Variants in HUNK observed in about 807,000 individuals in gnomAD.
HUNK encodes the protein hormonally up-regulated neu tumor-associated kinase.
Under a neutral mutation model 61.0 loss-of-function variants are expected in HUNK, and 21 were observed. The observed-to-expected ratio is 0.34, with a 90% CI of 0.24 to 0.50. The LOEUF is 0.50. Ranked by LOEUF, HUNK falls within the 20% of genes least tolerant of loss-of-function variation. The pLI is 0.98. For missense variants in HUNK, 772 were observed against 945.7 expected (o/e 0.82, Z 2.41); for synonymous variants, 371 against 386.1 (o/e 0.96, Z 0.46).
chr21:31,878,582 A>C (rs1001791264), intron 1 of HUNK, among the ~76,000 whole-genome samples: 2 of 152,164 alleles, frequency 1.3e-5, no homozygotes, highest in African/African-American at 4.8e-5. Flanking sequence ...TAAAAACACA[A>C]AAATTAGCTG....
rs374612937 is a variant in HUNK at position 31,998,726 on chromosome 21, G to C, written c.1687G>C (p.Glu563Gln). ...PLMLDMVRSF[E>Q]SVDRDDHVEV... is the part of the protein sequence containing the mutation. ...GATGCTGGACATGGTGCGCTCCTTCGAGTCTGTGGATCGCGACGACCACGT... is the reference window on the plus strand; with the variant it reads ...GATGCTGGACATGGTGCGCTCCTTCCAGTCTGTGGATCGCGACGACCACGT... Residue 563 changes from glutamate (E) to glutamine (Q), a missense_variant, in exon 11 of 11, where the codon GAG (glutamate) becomes CAG (glutamine). Glu to Gln is a conservative substitution (Grantham distance 29). Transcript: ENST00000270112. The C allele has an allele frequency of 2.5e-6, 4 of 1,614,094 alleles. No individual in the cohort carries two copies.
chr21:31,993,287 A>T (rs2053183401), intron 9 of HUNK, among the ~76,000 whole-genome samples: 1 of 152,184 alleles, frequency 6.6e-6, no homozygotes, highest in Non-Finnish European at 1.5e-5. Flanking sequence ...GGTCCGCAGA[A>T]GTTTTGCATC....
chr21:31,919,429 A>C (rs1367105020), intron 1 of HUNK, among the ~76,000 whole-genome samples: 1 of 152,154 alleles, frequency 6.6e-6, no homozygotes, highest in African/African-American at 2.4e-5. Flanking sequence ...TGCCTAAAGA[A>C]AAGCCTAGCA....
At chr21:31,993,753 G>T (rs896110208) in intron 9 of HUNK, among the ~76,000 whole-genome samples, 1 of 152,164 alleles carries the variant, frequency 6.6e-6, no homozygotes, top group Non-Finnish European at 1.5e-5. Flanking sequence ...GAGGAAAGCC[G>T]TGGAAAATAG....
intron 8 of HUNK, among the ~76,000 whole-genome samples, 192 bp from the exon 9 acceptor site, chr21:31,989,937 T>C (rs1235597704): frequency 1.3e-5 from 2 of 152,128 alleles, no homozygotes; most frequent in East Asian, 3.9e-4. Context: ...AAAGTTTACC[T>C]AGAAAATCTA....
chr21:31,978,627 A>G (rs2053068618), intron 7 of HUNK, among the ~76,000 whole-genome samples: 1 of 152,156 alleles, frequency 6.6e-6, no homozygotes, highest in African/African-American at 2.4e-5. Flanking sequence ...AATGTCCTCT[A>G]GGTTCATCCA....
chr21:31,890,310 C>A (rs1392879941), intron 1 of HUNK, among the ~76,000 whole-genome samples: 1 of 151,620 alleles, frequency 6.6e-6, no homozygotes, highest in Non-Finnish European at 1.5e-5. Context: ...CTCGCTGCAA[C>A]CTCTGTCTCC....
intron 1 of HUNK, among the ~76,000 whole-genome samples, chr21:31,911,153 A>G (rs1187437039): frequency 2.0e-5 from 3 of 152,200 alleles, no homozygotes; most frequent in Non-Finnish European, 4.4e-5. Flanking sequence ...CATTCAAGAA[A>G]TACTCATTGA....
intron 6 of HUNK, among the ~76,000 whole-genome samples, chr21:31,972,218 G>A (rs549205806): frequency 2.4e-4 from 37 of 152,158 alleles, no homozygotes; most frequent in African/African-American, 8.0e-4. Flanking sequence ...GGAGGAGGTC[G>A]CAGGCAATAC....
At chr21:31,986,550 G>T (rs948871743) in intron 8 of HUNK, among the ~76,000 whole-genome samples, 1 of 151,972 alleles carries the variant, frequency 6.6e-6, no homozygotes, top group Non-Finnish European at 1.5e-5. Flanking sequence ...ACCTTCGGAG[G>T]TTTCCTTCAT....
rs2053229804 is a variant in HUNK, at chr21:31,999,269, G to A, written c.*85G>A. On this transcript the variant is annotated 3_prime_UTR_variant, in exon 11 of 11. Coordinates refer to ENST00000270112, the MANE Select transcript of HUNK (RefSeq NM_014586.2). Reference sequence around the variant, plus strand: ...ATCTGTCAGGGTGTGAGCACTCCAAGGCCTCGCGTGGAGCATCCTTAGTCC... The same window carrying A: ...ATCTGTCAGGGTGTGAGCACTCCAAAGCCTCGCGTGGAGCATCCTTAGTCC... 3 of 1,249,888 alleles carry A rather than the reference G, an allele frequency of 2.4e-6. No individual in the cohort carries two copies. The allele number at this position is 1,249,888 out of a possible 1,614,324, so 77.4% of individuals were successfully genotyped here.
chr21:31,985,438 A>C (rs922966541), intron 8 of HUNK, among the ~76,000 whole-genome samples: 12 of 152,298 alleles, frequency 7.9e-5, no homozygotes, highest in African/African-American at 2.9e-4. Context: ...GTCCAGAGAC[A>C]CTGATGACAG....
intron 1 of HUNK, among the ~76,000 whole-genome samples, chr21:31,875,032 G>T (rs1382022083): frequency 6.6e-6 from 1 of 152,196 alleles, no homozygotes; most frequent in Non-Finnish European, 1.5e-5. Flanking sequence ...ACTGCCCCCA[G>T]GCTGGGGGTG....
chr21:31,944,825 G>A (rs1022080811), intron 3 of HUNK, among the ~76,000 whole-genome samples: 1 of 152,158 alleles, frequency 6.6e-6, no homozygotes, highest in African/African-American at 2.4e-5. Flanking sequence ...GCTTAGATGA[G>A]ATTCTTTTTA....
At chr21:31,892,036 C>T (rs895447640) in intron 1 of HUNK, among the ~76,000 whole-genome samples, 2 of 151,868 alleles carry the variant, frequency 1.3e-5, no homozygotes, top group African/African-American at 4.8e-5. Flanking sequence ...CTGCTTTCTG[C>T]TACTTGGTAT....
In HUNK at chr21:31,995,798, G is replaced by C. The variant is rs1164986688; in HGVS notation, c.1336G>C (p.Gly446Arg). Residue 446 changes from glycine to arginine, a missense_variant, in exon 10 of 11, where the codon GGG (glycine) becomes CGG (arginine). Gly to Arg is a moderately radical substitution (Grantham distance 125). Around this residue, in one of 2 missense-constraint regions of HUNK, gnomAD observed 413 missense variants for 444.4 expected, o/e 0.93. Coordinates refer to ENST00000270112, the MANE Select transcript of HUNK (RefSeq NM_014586.2). ...DKKPKEQEKR[G>R]DFLHRPFSKK... ...AAAGCCCAAAGAACAAGAAAAAAGA[G>C]GGGATTTTCTTCATCGACCATTCTC... is the stretch of plus-strand genomic sequence containing the variant. 6.2e-7 allele frequency: 1 copy of C among 1,613,996 alleles called. No homozygotes were observed. The highest frequency in any genetic ancestry group is 8.5e-7 in the Non-Finnish European group (1 of 1,179,984).
chr21:32,000,500 T>C lies in HUNK; in HGVS notation c.*1316T>C. The C allele has an allele frequency of 2.5e-6, 1 of 399,150 alleles. No individual in the cohort carries two copies. Among genetic ancestry groups the C allele is most frequent in the Admixed American group, 4.4e-5 (1 of 22,730 alleles). The allele number at this position is 399,150 out of a possible 1,614,324, so 24.7% of individuals were successfully genotyped here. A position where few individuals can be genotyped will look rare whatever the true frequency, so the allele number is the denominator to read the frequency against. ...CCAGCTGGCACTTGACAGGGTGCAG[T>C]CATTGGTGAGAAGAATCAGAAAAAG... On this transcript the variant is annotated 3_prime_UTR_variant, in exon 11 of 11. Transcript: ENST00000270112.
intron 6 of HUNK, among the ~76,000 whole-genome samples, chr21:31,972,572 C>T (rs1331369102): frequency 1.3e-5 from 2 of 152,210 alleles, no homozygotes; most frequent in Non-Finnish European, 2.9e-5. Context: ...CAGAACACCC[C>T]ATACCCTCGG....
At chr21:31,955,318 G>A (rs1377141794) in intron 4 of HUNK, among the ~76,000 whole-genome samples, 9 of 42 alleles carry the variant, frequency 0.21, no homozygotes, top group Admixed American at 0.25. Context: ...AGGGCCGGGC[G>A]CGGTGCTCAC....
Sources: gnomAD v4.1 joint callset for allele counts (sites outside exome capture counted in the v4.1 genomes callset) on GRCh38, gnomAD v4.1.1 for gene constraint, gnomAD v4.1.1 regional missense constraint, MANE v1.5 for transcripts, NCBI Gene and HGNC (gene_info 2026-07-23, HGNC 2026-07-21) for gene names.